The following LRRC4C variants were observed in gnomAD, a reference collection of about 807,000 sequenced individuals.
The protein encoded by LRRC4C is leucine rich repeat containing 4C.
LRRC4C carries 5 observed loss-of-function variants against 33.6 expected under a neutral mutation model. That is an observed-to-expected ratio of 0.15 (90% CI 0.08 to 0.31). The LOEUF (loss-of-function observed/expected upper bound fraction) is 0.31. LRRC4C is among the 10% of genes least tolerant of loss of function. The pLI is 1.00. For missense variants in LRRC4C, 560 were observed against 796.7 expected (o/e 0.70, Z 3.58); for synonymous variants, 329 against 302.0 (o/e 1.09, Z -0.93).
intron 3 of LRRC4C, among the ~76,000 whole-genome samples, chr11:40,615,898 C>G (rs1423171918): frequency 3.3e-5 from 5 of 151,734 alleles, no homozygotes; most frequent in African/African-American, 9.7e-5. Context: ...TGAAGAAAAT[C>G]TGCTCACGGT....
intron 5 of LRRC4C, among the ~76,000 whole-genome samples, chr11:40,229,174 C>A (rs1224338565): frequency 6.6e-6 from 1 of 152,088 alleles, no homozygotes; most frequent in Non-Finnish European, 1.5e-5. Context: ...CTATTCCTCA[C>A]CCTCTACACA....
At chr11:40,613,527 G>T (rs1961447150) in intron 3 of LRRC4C, among the ~76,000 whole-genome samples, 1 of 151,744 alleles carries the variant, frequency 6.6e-6, no homozygotes, top group African/African-American at 2.4e-5. Context: ...TTATTCTACT[G>T]AAGTCTTGAA....
rs72899012 is a variant in LRRC4C, at chr11:40,491,030, C to T, written c.-270+157112G>A. Among the ~76,000 whole-genome samples, 501 of 152,218 alleles carry T rather than the reference C, an allele frequency of 3.3e-3. 2 individuals carry two copies. Among genetic ancestry groups the T allele is most frequent in the Non-Finnish European group, 5.5e-3 (373 of 68,014 alleles). The stretch of plus-strand genomic sequence containing the variant: ...AGGGCACATTGGCTCACACCTGCAA[C>T]TCCTGCACTTTGGAAGACTGAGGTG... On this transcript the variant is annotated intron_variant, in intron 3 of 6. Coordinates refer to ENST00000528697, the MANE Select transcript of LRRC4C (RefSeq NM_001258419.2).
intron 1 of LRRC4C, among the ~76,000 whole-genome samples, chr11:41,326,655 A>G (rs1430321003): frequency 6.6e-6 from 1 of 152,206 alleles, no homozygotes; most frequent in Non-Finnish European, 1.5e-5. Flanking sequence ...TTTCCAAACA[A>G]AATTGGTTTT....
At chr11:41,272,350 T>A (rs1182584389) in intron 1 of LRRC4C, among the ~76,000 whole-genome samples, 1 of 151,964 alleles carries the variant, frequency 6.6e-6, no homozygotes, top group Non-Finnish European at 1.5e-5. Flanking sequence ...ATTGTGGGTG[T>A]CTAAGAACTG....
chr11:40,949,988 C>T (rs1184880453), intron 1 of LRRC4C, among the ~76,000 whole-genome samples: 1 of 151,892 alleles, frequency 6.6e-6, no homozygotes, highest in Non-Finnish European at 1.5e-5. Flanking sequence ...CATGCAGAGA[C>T]ACACATACGC....
Position 40,759,552 on chromosome 11 carries a change from TGTCATTACTTTCAA to T in LRRC4C, c.-406-111288_-406-111275del, listed in dbSNP as rs535704349. The stretch of plus-strand genomic sequence containing the variant: ...TTGGTGCAAAAGTAATTGCGGTTTT[TGTCATTACTTTCAA>T]TGGCAAAAACCTCAGTTACTTTTGC... On this transcript the variant is annotated intron_variant, in intron 2 of 6. Transcript: ENST00000528697. Among the ~76,000 whole-genome samples, 78 of 152,048 alleles carry T rather than the reference TGTCATTACTTTCAA, an allele frequency of 5.1e-4. 3 individuals carry two copies. In the South Asian group the frequency reaches 0.016, roughly 31 times the overall value.
chr11:40,659,387 G>C (rs559519093), intron 2 of LRRC4C, among the ~76,000 whole-genome samples: 2 of 152,246 alleles, frequency 1.3e-5, no homozygotes, highest in South Asian at 2.1e-4. Context: ...GGGGGTCCCT[G>C]GTGAAACCCT....
intron 1 of LRRC4C, among the ~76,000 whole-genome samples, chr11:41,271,731 G>T (rs1398979612): frequency 6.6e-6 from 1 of 151,956 alleles, no homozygotes; most frequent in Non-Finnish European, 1.5e-5. Context: ...GAATTGTTTT[G>T]CTTGTCACTC....
chr11:40,780,030 A>T (rs1950155822), intron 2 of LRRC4C, among the ~76,000 whole-genome samples: 1 of 152,160 alleles, frequency 6.6e-6, no homozygotes, highest in Admixed American at 6.5e-5. Context: ...GAATGGTTCG[A>T]TTTCTTCATC....
chr11:40,142,389 C>T lies in LRRC4C; in HGVS notation c.-95-1536G>A, dbSNP rs574782135. Reference sequence around the variant, plus strand: ...TCAGTAGGATATATGAAATATGAATCGGAATTTAATGTGCTTGGGATTTAT... The same window carrying T: ...TCAGTAGGATATATGAAATATGAATTGGAATTTAATGTGCTTGGGATTTAT... On this transcript the variant is annotated intron_variant, in intron 5 of 6. Coordinates refer to ENST00000528697, the MANE Select transcript of LRRC4C (RefSeq NM_001258419.2). Among the ~76,000 whole-genome samples the T allele has an allele frequency of 2.7e-5, 4 of 150,610 alleles. No homozygotes were observed. The South Asian group carries it at 6.3e-4, about 24-fold the overall frequency.
At chr11:40,782,395 A>T (rs1950244174) in intron 2 of LRRC4C, among the ~76,000 whole-genome samples, 1 of 150,712 alleles carries the variant, frequency 6.6e-6, no homozygotes, top group Admixed American at 6.6e-5. Flanking sequence ...TGAACACACC[A>T]TTATCTCCTA....
chr11:40,201,569 C>CA (rs1330348276), intron 5 of LRRC4C, among the ~76,000 whole-genome samples: 1 of 152,128 alleles, frequency 6.6e-6, no homozygotes, highest in Non-Finnish European at 1.5e-5. Flanking sequence ...CAACTCCACC[C>CA]ACGAGCTGGT....
chr11:40,331,063 A>G (rs917344960), intron 3 of LRRC4C, among the ~76,000 whole-genome samples: 2 of 152,164 alleles, frequency 1.3e-5, no homozygotes, highest in South Asian at 2.1e-4. Flanking sequence ...TATGAGTGAG[A>G]ACATGTGATA....
intron 1 of LRRC4C, among the ~76,000 whole-genome samples, chr11:41,066,365 G>GA (rs1316349319): frequency 1.3e-5 from 2 of 152,002 alleles, no homozygotes; most frequent in Non-Finnish European, 2.9e-5. Flanking sequence ...CCAGATTAGA[G>GA]AAAAAAGAAT....
chr11:40,983,595 G>T (rs945422233), intron 1 of LRRC4C, among the ~76,000 whole-genome samples: 2 of 151,980 alleles, frequency 1.3e-5, no homozygotes, highest in Admixed American at 1.3e-4. Context: ...TGCAAACTAT[G>T]CATCTGACAA....
intron 1 of LRRC4C, among the ~76,000 whole-genome samples, chr11:41,164,827 G>T (rs1296394106): frequency 6.6e-6 from 1 of 152,022 alleles, no homozygotes; most frequent in Non-Finnish European, 1.5e-5. Context: ...TGTGCTAAAG[G>T]GTAGAAGACT....
At chr11:40,664,718 C>A (rs1351428575) in intron 2 of LRRC4C, among the ~76,000 whole-genome samples, 1 of 151,692 alleles carries the variant, frequency 6.6e-6, no homozygotes, top group East Asian at 1.9e-4. Context: ...AAACAAGGAA[C>A]AAATAATCCC....
At chr11:41,063,558 T>C (rs540876808) in intron 1 of LRRC4C, among the ~76,000 whole-genome samples, 1 of 152,228 alleles carries the variant, frequency 6.6e-6, no homozygotes, top group African/African-American at 2.4e-5. Context: ...GCTGGCATAT[T>C]GAAGAACTAG....
Sources: allele counts gnomAD v4.1 joint callset (sites outside exome capture counted in the v4.1 genomes callset), GRCh38; gene constraint gnomAD v4.1.1; transcripts MANE v1.5; gene names NCBI Gene and HGNC (gene_info 2026-07-23, HGNC 2026-07-21).